ZNF267: variants seen among roughly 807,000 people sequenced by gnomAD.
ZNF267 encodes the protein zinc finger (C2H2).
In ZNF267, 61 loss-of-function variants were observed where a neutral mutation model predicts 71.6. The observed-to-expected ratio is 0.85, with a 90% confidence interval of 0.69 to 1.05. ZNF267 has a LOEUF of 1.05. Ranked by LOEUF, ZNF267 falls within the 50% of genes least tolerant of loss-of-function variation. The pLI, the probability that ZNF267 is intolerant of heterozygous loss-of-function variation, is 0.00. For synonymous variants in ZNF267, 288 were observed against 293.2 expected (o/e 0.98, Z 0.18); for missense variants, 852 against 870.0 (o/e 0.98, Z 0.26).
At chr16:31,888,428 C>CA (rs2083938529) in intron 3 of ZNF267, among the ~76,000 whole-genome samples, 1 of 152,010 alleles carries the variant, frequency 6.6e-6, no homozygotes. Flanking sequence ...TGAGATTGGG[C>CA]ACCTCTGTCT....
intron 3 of ZNF267, among the ~76,000 whole-genome samples, chr16:31,906,001 C>T (rs1004817972): frequency 6.6e-5 from 10 of 152,174 alleles, no homozygotes; most frequent in African/African-American, 2.4e-4. Context: ...TTCCTTCTAA[C>T]AGTCAGGAAC....
chr16:31,876,637 G>C (rs2083854300), intron 1 of ZNF267, among the ~76,000 whole-genome samples: 1 of 152,222 alleles, frequency 6.6e-6, no homozygotes, highest in African/African-American at 2.4e-5. Flanking sequence ...GTCTGAAAGG[G>C]ATAGATACTT....
intron 1 of ZNF267, among the ~76,000 whole-genome samples, chr16:31,881,946 G>A (rs1313342521): frequency 6.6e-6 from 1 of 152,088 alleles, no homozygotes; most frequent in African/African-American, 2.4e-5. Flanking sequence ...GATTACAGGC[G>A]TGAGCCACCG....
chr16:31,896,412 CTGATT>C (rs1461696463), intron 3 of ZNF267, among the ~76,000 whole-genome samples: 1 of 152,250 alleles, frequency 6.6e-6, no homozygotes, highest in East Asian at 1.9e-4. Flanking sequence ...ATAGTTTGGG[CTGATT>C]ACACTTAATT....
At chr16:31,900,650 T>G (rs1426850646) in intron 3 of ZNF267, among the ~76,000 whole-genome samples, 1 of 151,916 alleles carries the variant, frequency 6.6e-6, no homozygotes, top group Non-Finnish European at 1.5e-5. Flanking sequence ...TTCACTGCAT[T>G]AGCTAGGATG....
chr16:31,912,550 A>G (rs1399196556), intron 3 of ZNF267: 1 of 151,548 alleles, frequency 6.6e-6, no homozygotes, highest in African/African-American at 2.4e-5. Context: ...GTGTTCTGTA[A>G]CCTGGTTGTA....
At chr16:31,905,494 C>T (rs1159354580) in intron 3 of ZNF267, among the ~76,000 whole-genome samples, 1 of 152,072 alleles carries the variant, frequency 6.6e-6, no homozygotes, top group Non-Finnish European at 1.5e-5. Flanking sequence ...TCTTTTTATT[C>T]TTTTTTCTCT....
chr16:31,897,685 T>C (rs2084010366), intron 3 of ZNF267, among the ~76,000 whole-genome samples: 2 of 152,170 alleles, frequency 1.3e-5, no homozygotes, highest in Non-Finnish European at 2.9e-5. Context: ...TCACCTTGGA[T>C]AGTATTGACA....
intron 3 of ZNF267, among the ~76,000 whole-genome samples, chr16:31,893,031 C>T (rs938721700): frequency 2.6e-5 from 4 of 152,258 alleles, no homozygotes; most frequent in African/African-American, 9.6e-5. Context: ...CTGCACTGCC[C>T]TAGCAGAGGT....
intron 3 of ZNF267, among the ~76,000 whole-genome samples, chr16:31,897,263 A>T (rs2084006711): frequency 6.6e-6 from 1 of 152,134 alleles, no homozygotes. Context: ...AAAGAAAGTC[A>T]GTTCATTTAA....
chr16:31,909,259 G>A (rs1450390206), intron 3 of ZNF267, among the ~76,000 whole-genome samples: 2 of 150,064 alleles, frequency 1.3e-5, no homozygotes, highest in African/African-American at 4.9e-5. Flanking sequence ...AGCCTCCCAA[G>A]TAGCTGGGAC....
intron 3 of ZNF267, among the ~76,000 whole-genome samples, chr16:31,905,308 A>G (rs2084079351): frequency 1.3e-5 from 2 of 151,962 alleles, no homozygotes; most frequent in South Asian, 4.2e-4. Flanking sequence ...CATTCTCTAT[A>G]TTTCCTGAAT....
intron 1 of ZNF267, among the ~76,000 whole-genome samples, chr16:31,882,962 T>G (rs1420120953): frequency 1.3e-5 from 2 of 152,232 alleles, no homozygotes; most frequent in African/African-American, 4.8e-5. Flanking sequence ...TTGGTTTCCC[T>G]TTGCTTGTAG....
Position 31,916,317 on chromosome 16 carries a change from T to C in ZNF267, c.2068T>C (p.Cys690Arg). The change falls in exon 4 of 4, where the codon TGT (cysteine) becomes CGT (arginine). Residue 690 changes from cysteine to arginine, a missense_variant. By Grantham distance (180) the Cys-to-Arg change is radical (BLOSUM62 -3). Coordinates refer to ENST00000300870, the MANE Select transcript of ZNF267 (RefSeq NM_003414.6). ...RRHTGERPYK[C>R]DECGKAFSYR... ...ACATACTGGAGAGAGACCCTACAAATGTGATGAATGTGGTAAAGCCTTCAG... is the reference window on the plus strand; with the variant it reads ...ACATACTGGAGAGAGACCCTACAAACGTGATGAATGTGGTAAAGCCTTCAG... 1 of 1,614,050 alleles carries C rather than the reference T, an allele frequency of 6.2e-7. No homozygotes were observed. Among genetic ancestry groups the C allele is most frequent in the Non-Finnish European group, 8.5e-7 (1 of 1,179,982 alleles).
chr16:31,880,206 A>G (rs2083880069), intron 1 of ZNF267, among the ~76,000 whole-genome samples: 1 of 152,144 alleles, frequency 6.6e-6, no homozygotes, highest in Non-Finnish European at 1.5e-5. Flanking sequence ...GTAAAGCCCT[A>G]CTTTTGGAGT....
At chr16:31,902,720 C>T (rs992049695) in intron 3 of ZNF267, among the ~76,000 whole-genome samples, 64 of 152,292 alleles carry the variant, frequency 4.2e-4, no homozygotes, top group Non-Finnish European at 7.2e-4. Flanking sequence ...TCTAGATATA[C>T]AGTCATGTCA....
At chr16:31,894,559 C>A in intron 3 of ZNF267, 1 of 506,414 alleles carries the variant, frequency 2.0e-6, no homozygotes, top group South Asian at 1.5e-5. Flanking sequence ...TGCTCATAAT[C>A]GCGCTCTCAC....
intron 3 of ZNF267, among the ~76,000 whole-genome samples, chr16:31,900,740 G>A (rs1020273627): frequency 1.9e-4 from 29 of 149,116 alleles, no homozygotes; most frequent in Admixed American, 6.1e-4. Flanking sequence ...CACTGTGCCC[G>A]GCCCCAAGAA....
intron 3 of ZNF267, among the ~76,000 whole-genome samples, chr16:31,886,603 G>C (rs1329651135): frequency 6.6e-6 from 1 of 152,090 alleles, no homozygotes; most frequent in Non-Finnish European, 1.5e-5. Context: ...CATAAAACTG[G>C]TCCCTGCTGC....
Sources: allele counts gnomAD v4.1 joint callset (sites outside exome capture counted in the v4.1 genomes callset), GRCh38; gene constraint gnomAD v4.1.1; transcripts MANE v1.5; gene names NCBI Gene and HGNC (gene_info 2026-07-23, HGNC 2026-07-21).